The following TTC39B variants were observed in gnomAD, a reference collection of about 807,000 sequenced individuals.
TTC39B encodes the protein tetratricopeptide repeat domain 39B.
Under a neutral mutation model 96.6 loss-of-function variants are expected in TTC39B, and 92 were observed. The observed-to-expected ratio is 0.95, with a 90% confidence interval of 0.80 to 1.13. The LOEUF is 1.13. Ranked by LOEUF, TTC39B falls within the 50% of genes most tolerant of loss-of-function variation. TTC39B has a pLI of 0.00. For synonymous variants in TTC39B, 367 were observed against 299.4 expected (o/e 1.23, Z -2.33); for missense variants, 955 against 809.3 (o/e 1.18, Z -2.18).
At chr9:15,209,579 G>C (rs1820068631) in intron 6 of TTC39B, among the ~76,000 whole-genome samples, 1 of 152,294 alleles carries the variant, frequency 6.6e-6, no homozygotes, top group African/African-American at 2.4e-5. Flanking sequence ...CAAACTGTCA[G>C]TCCTGGTTCT....
exon 3 of TTC39B, chr9:15,225,945 T>C: frequency 6.2e-7 from 1 of 1,614,040 alleles, no homozygotes; most frequent in South Asian, 1.1e-5. Flanking sequence ...CCGCGCTGTC[T>C]GGGCGCCTGT....
exon 20 of TTC39B, chr9:15,167,028 ATTTTTTTTTTT>A (rs549150155): frequency 3.6e-4 from 4 of 11,034 alleles, no homozygotes; most frequent in Non-Finnish European, 6.3e-4. Flanking sequence ...ATATATATAT[ATTTTTTTTTTT>A]TTTTTTTTTT....
In TTC39B at chr9:15,199,843, T is replaced by C; in HGVS notation, c.824+18A>G. 6 of 1,297,790 alleles carry C rather than the reference T, an allele frequency of 4.6e-6. No individual in the cohort carries two copies. Among genetic ancestry groups the C allele is most frequent in the Non-Finnish European group, 6.4e-6 (6 of 943,338 alleles). 80.4% of individuals were successfully genotyped at this position (1,297,790 alleles called of 1,614,324 possible). ...AGCACAAAATTATTTACAAACCACA[T>C]CTTACTTTTTAACTTACTTATATAT... is the stretch of plus-strand genomic sequence containing the variant. On this transcript the variant is annotated intron_variant, in intron 8 of 19. Transcript: ENST00000512701.
chr9:15,297,145 C>G (rs1004987568), intron 1 of TTC39B, among the ~76,000 whole-genome samples: 2 of 152,198 alleles, frequency 1.3e-5, no homozygotes, highest in East Asian at 3.9e-4. Flanking sequence ...CACATGGCCT[C>G]CAGCCTACTT....
chr9:15,250,024 C>G, intron 2 of TTC39B: 1 of 1,287,734 alleles, frequency 7.8e-7, no homozygotes, highest in Non-Finnish European at 1.0e-6. Context: ...AAAGAAGAGA[C>G]AAACCTCAAT....
chr9:15,281,501 A>T (rs886659545), intron 1 of TTC39B, among the ~76,000 whole-genome samples: 2 of 152,038 alleles, frequency 1.3e-5, no homozygotes, highest in African/African-American at 4.8e-5. Flanking sequence ...CAAAGCAGAG[A>T]TGCTGAGAAG....
chr9:15,204,042 C>T, intron 6 of TTC39B, 152 bp from the exon 7 acceptor site: 1 of 617,608 alleles, frequency 1.6e-6, no homozygotes, highest in South Asian at 2.5e-5. Context: ...GAATGATAAC[C>T]CCAGTTCTCA....
intron 1 of TTC39B, among the ~76,000 whole-genome samples, chr9:15,268,431 G>C (rs899580152): frequency 7.2e-5 from 11 of 152,076 alleles, no homozygotes; most frequent in African/African-American, 1.9e-4. Flanking sequence ...ACACAGGATA[G>C]CCCTTTGCTT....
At chr9:15,239,438 T>G (rs188448329) in intron 2 of TTC39B, among the ~76,000 whole-genome samples, 22 of 152,138 alleles carry the variant, frequency 1.4e-4, no homozygotes, top group Non-Finnish European at 1.5e-4. Flanking sequence ...GGAAAAGAAA[T>G]CATTATATAA....
At chr9:15,180,523 G>A (rs1438768040) in intron 17 of TTC39B, among the ~76,000 whole-genome samples, 4 of 152,160 alleles carry the variant, frequency 2.6e-5, no homozygotes, top group Non-Finnish European at 4.4e-5. Flanking sequence ...GAGTAGATCA[G>A]TTGTATCCTC....
At chr9:15,222,042 C>A (rs4741479) in intron 3 of TTC39B, among the ~76,000 whole-genome samples, 1 of 151,964 alleles carries the variant, frequency 6.6e-6, no homozygotes, top group African/African-American at 2.4e-5. Flanking sequence ...GAAAGAGTAA[C>A]GTAAGTACAG....
At chr9:15,174,964 G>T in intron 19 of TTC39B, 55 bp downstream of exon 19, 4 of 1,088,890 alleles carry the variant, frequency 3.7e-6, no homozygotes, top group Non-Finnish European at 5.7e-6. Context: ...TGTTAGAGCA[G>T]TACTGACATT....
At chr9:15,276,138 T>C (rs1044582786) in intron 1 of TTC39B, among the ~76,000 whole-genome samples, 1 of 152,204 alleles carries the variant, frequency 6.6e-6, no homozygotes, top group Admixed American at 6.5e-5. Context: ...GTAGGACATC[T>C]TACTTAGCCT....
chr9:15,261,088 T>C (rs1822927923), intron 2 of TTC39B, among the ~76,000 whole-genome samples: 1 of 152,208 alleles, frequency 6.6e-6, no homozygotes, highest in Admixed American at 6.5e-5. Flanking sequence ...TAAACTACCA[T>C]GAAAAGAAAA....
chr9:15,217,935 T>C (rs1234634317), intron 3 of TTC39B, among the ~76,000 whole-genome samples: 1 of 151,984 alleles, frequency 6.6e-6, no homozygotes, highest in Non-Finnish European at 1.5e-5. Context: ...TATAGCCAGG[T>C]GCGGTGGCTC....
At chr9:15,242,793 G>A (rs1320041702) in intron 2 of TTC39B, among the ~76,000 whole-genome samples, 2 of 152,166 alleles carry the variant, frequency 1.3e-5, no homozygotes, top group African/African-American at 4.8e-5. Context: ...ACTGAATTAA[G>A]GGCATTCAGA....
rs114341797 is a variant in TTC39B, at chr9:15,220,338, C to T, written c.371+5579G>A. Reference sequence around the variant, plus strand: ...AGCCAGACTACAGAAACTCCTGCTACCATTTCTCATTAGTTATCCAAGGGA... The same window carrying T: ...AGCCAGACTACAGAAACTCCTGCTATCATTTCTCATTAGTTATCCAAGGGA... On this transcript the variant is annotated intron_variant, in intron 3 of 19. Transcript: ENST00000512701. 4.0e-3 allele frequency among the ~76,000 whole-genome samples: 604 copies of T among 152,270 alleles called. 4 individuals are homozygous for T. Among genetic ancestry groups the T allele is most frequent in the African/African-American group, 0.013 (551 of 41,550 alleles).
At chr9:15,174,287 C>T (rs1817813144) in intron 19 of TTC39B, among the ~76,000 whole-genome samples, 1 of 152,042 alleles carries the variant, frequency 6.6e-6, no homozygotes, top group Non-Finnish European at 1.5e-5. Flanking sequence ...ATAATAGGTG[C>T]TCAGTGAATA....
In TTC39B at chr9:15,167,116, A is replaced by G. The variant is rs548362450; in HGVS notation, c.*4903T>C. On this transcript the variant is annotated 3_prime_UTR_variant, in exon 20 of 20. Transcript: ENST00000512701. ...CAGTGGCATGATCTTAGCTCACTGT[A>G]GCCTCAAACTCCTGGGATCAAGCAA... 3 of 125,260 alleles carry G rather than the reference A, an allele frequency of 2.4e-5. No individual in the cohort carries two copies. The East Asian group carries it at 7.5e-4, about 31-fold the overall frequency. 7.8% of individuals were successfully genotyped at this position (125,260 alleles called of 1,614,324 possible).
Sources: allele counts gnomAD v4.1 joint callset (sites outside exome capture counted in the v4.1 genomes callset), GRCh38; gene constraint gnomAD v4.1.1; transcripts MANE v1.5; gene names NCBI Gene and HGNC (gene_info 2026-07-23, HGNC 2026-07-21).